PTPRT: variants seen among roughly 807,000 people sequenced by gnomAD.
The protein encoded by PTPRT is receptor-type tyrosine-protein phosphatase T.
Under a neutral mutation model 176.8 loss-of-function variants are expected in PTPRT, and 56 were observed. The observed-to-expected ratio is 0.32, with a 90% CI of 0.26 to 0.40. PTPRT has a LOEUF of 0.40. Ranked by LOEUF, PTPRT falls within the 10% of genes least tolerant of loss-of-function variation. PTPRT has a pLI of 1.00. For synonymous variants in PTPRT, 783 were observed against 739.0 expected (o/e 1.06, Z -0.96); for missense variants, 1,540 against 1,908.2 (o/e 0.81, Z 3.60).
chr20:42,266,071 G>T (rs1040991333), intron 13 of PTPRT, among the ~76,000 whole-genome samples: 2 of 152,176 alleles, frequency 1.3e-5, no homozygotes, highest in African/African-American at 2.4e-5. Flanking sequence ...ACCTGGAGCT[G>T]GGTTGAGAGT....
At chr20:42,396,048 T>C (rs559495529) in intron 9 of PTPRT, among the ~76,000 whole-genome samples, 40 of 152,248 alleles carry the variant, frequency 2.6e-4, no homozygotes, top group Middle Eastern at 3.4e-3. Context: ...CAGACTGGCA[T>C]ATCTGTCTAC....
At chr20:42,755,638 T>G (rs553078808) in intron 6 of PTPRT, among the ~76,000 whole-genome samples, 1 of 152,156 alleles carries the variant, frequency 6.6e-6, no homozygotes, top group Non-Finnish European at 1.5e-5. Context: ...CTCATATTCT[T>G]GGCCTCCCAA....
chr20:43,080,855 C>G (rs749828381), intron 1 of PTPRT, among the ~76,000 whole-genome samples: 1 of 152,194 alleles, frequency 6.6e-6, no homozygotes, highest in Non-Finnish European at 1.5e-5. Flanking sequence ...ATGGAGGGAG[C>G]CTGGGTCCTT....
intron 7 of PTPRT, among the ~76,000 whole-genome samples, chr20:42,564,699 T>C (rs569050144): frequency 6.6e-6 from 1 of 152,236 alleles, no homozygotes; most frequent in Admixed American, 6.5e-5. Context: ...ATGGCACATG[T>C]ATATCTATGT....
At chr20:42,730,241 T>A (rs1387444091) in intron 6 of PTPRT, among the ~76,000 whole-genome samples, 1 of 152,132 alleles carries the variant, frequency 6.6e-6, no homozygotes, top group East Asian at 1.9e-4. Context: ...GGTGCTCTGA[T>A]AGATGGTAGA....
At chr20:42,479,414 C>T (rs1424771415) in intron 7 of PTPRT, among the ~76,000 whole-genome samples, 2 of 152,082 alleles carry the variant, frequency 1.3e-5, no homozygotes, top group African/African-American at 4.8e-5. Flanking sequence ...AACATTATTG[C>T]CAACATAATT....
chr20:42,395,271 A>C (rs570436387), intron 9 of PTPRT, among the ~76,000 whole-genome samples: 2 of 152,274 alleles, frequency 1.3e-5, no homozygotes, highest in African/African-American at 4.8e-5. Flanking sequence ...TTCCATGGTG[A>C]GAACACGGCA....
intron 11 of PTPRT, among the ~76,000 whole-genome samples, chr20:42,327,023 A>G (rs751569031): frequency 7.3e-5 from 11 of 151,620 alleles, no homozygotes; most frequent in Non-Finnish European, 1.3e-4. Flanking sequence ...TTATGAAGTT[A>G]CAATGATTAA....
intron 2 of PTPRT, among the ~76,000 whole-genome samples, chr20:42,795,326 C>T (rs1293487031): frequency 6.6e-6 from 1 of 152,182 alleles, no homozygotes; most frequent in Non-Finnish European, 1.5e-5. Context: ...TTTTCCCCTT[C>T]GTGCATAATA....
intron 9 of PTPRT, among the ~76,000 whole-genome samples, chr20:42,376,368 C>T (rs1012505424): frequency 9.2e-5 from 14 of 152,204 alleles, no homozygotes; most frequent in African/African-American, 3.1e-4. Context: ...AGAACTTCTC[C>T]AAAGCATGTT....
In PTPRT at chr20:42,078,498, C is replaced by A. The variant is rs949298562; in HGVS notation, c.*2381G>T. 9.8e-6 allele frequency: 2 copies of A among 204,420 alleles called. No individual in the cohort carries two copies. Among genetic ancestry groups the A allele is most frequent in the African/African-American group, 2.3e-5 (1 of 43,642 alleles). 12.7% of individuals were successfully genotyped at this position (204,420 alleles called of 1,614,324 possible). The stretch of plus-strand genomic sequence containing the variant: ...AATAGATGTGATATTAAAAAGTGCA[C>A]GCTTAAGGGAATGTTTTCACAGTGT... On this transcript the variant is annotated 3_prime_UTR_variant, in exon 31 of 31. Transcript: ENST00000373187.
chr20:42,082,572 G>T (rs1385382294), intron 29 of PTPRT, among the ~76,000 whole-genome samples: 1 of 152,198 alleles, frequency 6.6e-6, no homozygotes, highest in Non-Finnish European at 1.5e-5. Flanking sequence ...CTTGGAGGTA[G>T]GAACTTGGAG....
At chr20:42,678,339 C>T (rs1337399705) in intron 6 of PTPRT, among the ~76,000 whole-genome samples, 180 bp from the exon 7 acceptor site, 2 of 152,146 alleles carry the variant, frequency 1.3e-5, no homozygotes, top group Admixed American at 1.3e-4. Context: ...CTTGCTCTGT[C>T]ATTCAGGCTG....
chr20:42,395,966 T>TACGTCTGCA (rs1190658097), intron 9 of PTPRT, among the ~76,000 whole-genome samples: 3 of 152,172 alleles, frequency 2.0e-5, no homozygotes, highest in Non-Finnish European at 4.4e-5. Context: ...CCTCCAGCTT[T>TACGTCTGCA]ACGTCTGCAA....
chr20:42,961,441 G>A (rs1327847692), intron 1 of PTPRT, among the ~76,000 whole-genome samples: 1 of 152,230 alleles, frequency 6.6e-6, no homozygotes. Flanking sequence ...AAAATAGGAA[G>A]TAAGTCCTTA....
chr20:42,654,073 C>G (rs907925839), intron 7 of PTPRT, among the ~76,000 whole-genome samples: 12 of 152,062 alleles, frequency 7.9e-5, no homozygotes, highest in African/African-American at 2.9e-4. Context: ...TGGAGAAGCT[C>G]TTGCAGGGCT....
chr20:43,058,816 A>ATT (rs141784790), intron 1 of PTPRT, among the ~76,000 whole-genome samples: 3 of 151,444 alleles, frequency 2.0e-5, no homozygotes, highest in African/African-American at 7.3e-5. Context: ...AGAAAACCTT[A>ATT]TTTTTTTTTC....
chr20:43,184,736 T>C (rs1600781189), intron 1 of PTPRT, among the ~76,000 whole-genome samples: 1 of 152,126 alleles, frequency 6.6e-6, no homozygotes, highest in East Asian at 1.9e-4. Flanking sequence ...TGACACCTCT[T>C]TCCCTGTCCC....
chr20:42,605,385 T>C (rs6102933), intron 7 of PTPRT, among the ~76,000 whole-genome samples: 63,269 of 151,992 alleles, frequency 0.42, 16,298 homozygotes, highest in African/African-American at 0.73. Flanking sequence ...TGCTCATCAG[T>C]CCCTGAGTGA....
Sources: gnomAD v4.1 joint callset for allele counts (sites outside exome capture counted in the v4.1 genomes callset) on GRCh38, gnomAD v4.1.1 for gene constraint, MANE v1.5 for transcripts, NCBI Gene and HGNC (gene_info 2026-07-23, HGNC 2026-07-21) for gene names.